The following NECAB1 variants were observed in gnomAD, a reference collection of about 807,000 sequenced individuals.
NECAB1 encodes N-terminal EF-hand calcium binding protein 1.
Under a neutral mutation model 57.5 loss-of-function variants are expected in NECAB1, and 29 were observed. That is an observed-to-expected ratio of 0.50 (90% confidence interval 0.38 to 0.69). NECAB1 has a LOEUF of 0.69. NECAB1 is among the 30% of genes least tolerant of loss of function. NECAB1 has a pLI of 0.00. For missense variants in NECAB1, 372 were observed against 413.8 expected, an observed-to-expected ratio of 0.90 and a Z score of 0.88; for synonymous variants, 142 against 147.7, an observed-to-expected ratio of 0.96 and a Z score of 0.28.
At chr8:90,843,225 C>T (rs1182280216) in intron 3 of NECAB1, among the ~76,000 whole-genome samples, 1 of 152,306 alleles carries the variant, frequency 6.6e-6, no homozygotes, top group African/African-American at 2.4e-5. Flanking sequence ...CCCACTGGAT[C>T]CCTCCCATAG....
intron 10 of NECAB1, among the ~76,000 whole-genome samples, chr8:90,947,306 ACACACACACACACAC>A (rs1810830295): frequency 6.3e-5 from 6 of 95,552 alleles, no homozygotes; most frequent in African/African-American, 2.3e-4. Context: ...CAACACATAC[ACACACACACACACAC>A]ACACACACAC....
At chr8:90,855,994 G>A (rs1422401488) in intron 3 of NECAB1, among the ~76,000 whole-genome samples, 1 of 152,110 alleles carries the variant, frequency 6.6e-6, no homozygotes, top group Non-Finnish European at 1.5e-5. Context: ...AAGTGATAGG[G>A]AGTCCGGGGG....
At chr8:90,857,712 A>G (rs1024441778) in intron 3 of NECAB1, among the ~76,000 whole-genome samples, 1 of 152,066 alleles carries the variant, frequency 6.6e-6, no homozygotes, top group South Asian at 2.1e-4. Flanking sequence ...TCCTTGGTCA[A>G]CCTCTCCTAT....
rs147603894 is a variant in NECAB1, at chr8:90,861,658, T to C, written c.234-10470T>C. Among the ~76,000 whole-genome samples, 1,027 of 152,338 alleles carry C rather than the reference T, an allele frequency of 6.7e-3. 10 individuals are homozygous for C. The highest frequency in any genetic ancestry group is 0.04 in the South Asian group (195 of 4,828). On this transcript the variant is annotated intron_variant, in intron 3 of 12. Transcript: ENST00000417640. ...CACTTTAGTGGATACTAATTATGTA[T>C]TAAGCACTGGGCTAAAGACATTGAA... is the stretch of plus-strand genomic sequence containing the variant.
intron 3 of NECAB1, among the ~76,000 whole-genome samples, chr8:90,853,295 T>G (rs777055459): frequency 1.1e-4 from 17 of 152,218 alleles, no homozygotes; most frequent in Admixed American, 5.2e-4. Flanking sequence ...ACATGCTCTC[T>G]CCCACAAGGA....
At chr8:90,792,643 T>C (rs1370212206) in intron 1 of NECAB1, among the ~76,000 whole-genome samples, 1 of 152,220 alleles carries the variant, frequency 6.6e-6, no homozygotes, top group Non-Finnish European at 1.5e-5. Flanking sequence ...TTCCCTTTGG[T>C]CCAATTTCTC....
At chr8:90,877,767 C>T (rs1014084013) in intron 4 of NECAB1, among the ~76,000 whole-genome samples, 1 of 152,160 alleles carries the variant, frequency 6.6e-6, no homozygotes, top group African/African-American at 2.4e-5. Flanking sequence ...GGACTGTTTC[C>T]AACACATACA....
chr8:90,856,154 A>G (rs1206343846), intron 3 of NECAB1, among the ~76,000 whole-genome samples: 2 of 152,126 alleles, frequency 1.3e-5, no homozygotes, highest in African/African-American at 4.8e-5. Flanking sequence ...AATCTAGACT[A>G]GTTTTGGAGA....
intron 10 of NECAB1, among the ~76,000 whole-genome samples, chr8:90,941,779 T>C (rs1411561650): frequency 1.3e-5 from 2 of 152,204 alleles, no homozygotes; most frequent in African/African-American, 4.8e-5. Flanking sequence ...CTGGCTATTC[T>C]TCCTCTCAGA....
intron 6 of NECAB1, among the ~76,000 whole-genome samples, chr8:90,921,781 A>C (rs1471626829): frequency 1.3e-5 from 2 of 152,230 alleles, no homozygotes; most frequent in African/African-American, 4.8e-5. Context: ...TTGGGATTTA[A>C]TATTTGTGAA....
intron 3 of NECAB1, among the ~76,000 whole-genome samples, chr8:90,869,098 T>C (rs1029028816): frequency 6.6e-6 from 1 of 152,224 alleles, no homozygotes; most frequent in African/African-American, 2.4e-5. Context: ...GTGCAAGCCC[T>C]AAGCCTTTGC....
intron 2 of NECAB1, 67 bp from the exon 3 acceptor site, chr8:90,824,650 A>G (rs1348077009): frequency 9.2e-7 from 1 of 1,087,830 alleles, no homozygotes; most frequent in African/African-American, 1.6e-5. Context: ...GTGAAGTTTT[A>G]TAAAGCAAAA....
intron 3 of NECAB1, among the ~76,000 whole-genome samples, chr8:90,831,666 T>C (rs1450525309): frequency 6.6e-6 from 1 of 152,018 alleles, no homozygotes; most frequent in African/African-American, 2.4e-5. Context: ...TTCCCAGGAG[T>C]CCTGCTTTCC....
At chr8:90,866,653 C>T (rs1808520505) in intron 3 of NECAB1, among the ~76,000 whole-genome samples, 1 of 152,152 alleles carries the variant, frequency 6.6e-6, no homozygotes, top group African/African-American at 2.4e-5. Context: ...TTAAAAGTCA[C>T]AATCCTTTGT....
chr8:90,861,963 G>A (rs1035431076), intron 3 of NECAB1, among the ~76,000 whole-genome samples: 1 of 152,160 alleles, frequency 6.6e-6, no homozygotes, highest in Non-Finnish European at 1.5e-5. Flanking sequence ...TATTGGAGAG[G>A]GAATTGCCTG....
Position 90,836,818 on chromosome 8 carries a change from A to T in NECAB1, c.233+11993A>T, listed in dbSNP as rs80105046. Among the ~76,000 whole-genome samples the T allele has an allele frequency of 5.4e-3, 824 of 152,356 alleles. 5 individuals are homozygous for T. The highest frequency in any genetic ancestry group is 0.018 in the African/African-American group (760 of 41,584). ...TATCATGTGCCATGTATTATGCATA[A>T]ATGAATGAATATTACTTTATTTTTA... On this transcript the variant is annotated intron_variant, in intron 3 of 12. Coordinates refer to ENST00000417640, the MANE Select transcript of NECAB1 (RefSeq NM_022351.5).
rs781177924 is a variant in NECAB1, at chr8:90,917,598, A to C, written c.464A>C (p.Glu155Ala). 3.1e-6 allele frequency: 5 copies of C among 1,611,614 alleles called. No homozygotes were observed. Among genetic ancestry groups the C allele is most frequent in the Non-Finnish European group, 8.5e-7 (1 of 1,178,568 alleles). ...SLQNSLECAM[E>A]TTEEQTRQER... ...CAGAATTCCCTGGAATGTGCCATGGAAACTACTGAGGAGCAAACCCGTCAA... is the reference window on the plus strand; with the variant it reads ...CAGAATTCCCTGGAATGTGCCATGGCAACTACTGAGGAGCAAACCCGTCAA... The change falls in exon 6 of 13, where the codon GAA becomes GCA. Residue 155 changes from glutamate to alanine, a missense_variant. Physicochemically the swap from Glu to Ala is moderately radical, Grantham distance 107. Transcript: ENST00000417640.
intron 5 of NECAB1, among the ~76,000 whole-genome samples, chr8:90,906,895 A>ATATATATATATGTATATATATATG (rs1809684997): frequency 2.2e-5 from 3 of 139,180 alleles, no homozygotes; most frequent in African/African-American, 5.6e-5. Context: ...ATATATATAT[A>ATATATATATATGTATATATATATG]TATATATATA....
chr8:90,804,708 T>TTC (rs1811818942), intron 2 of NECAB1, among the ~76,000 whole-genome samples: 1 of 152,204 alleles, frequency 6.6e-6, no homozygotes, highest in East Asian at 1.9e-4. Flanking sequence ...TTTCTCTCTC[T>TTC]TCTCTCTGTC....
Sources: gnomAD v4.1 joint callset for allele counts (sites outside exome capture counted in the v4.1 genomes callset) on GRCh38, gnomAD v4.1.1 for gene constraint, MANE v1.5 for transcripts, NCBI Gene and HGNC (gene_info 2026-07-23, HGNC 2026-07-21) for gene names.